SCN7A: variants seen among roughly 807,000 people sequenced by gnomAD.
The protein encoded by SCN7A is sodium voltage-gated channel alpha subunit 7, also known as sodium channel protein type 7 subunit alpha.
SCN7A carries 138 observed loss-of-function variants against 155.2 expected under a neutral mutation model. The observed-to-expected ratio is 0.89, with a 90% CI of 0.77 to 1.02. The LOEUF (loss-of-function observed/expected upper bound fraction) is 1.02. Among genes scored for constraint, SCN7A ranks in the 50% least tolerant of loss-of-function variants. The pLI is 0.00. For missense variants in SCN7A, 2,058 were observed against 1,986.6 expected (o/e 1.04, Z -0.68); for synonymous variants, 693 against 649.0 (o/e 1.07, Z -1.03).
intron 15 of SCN7A, among the ~76,000 whole-genome samples, chr2:166,437,358 C>A (rs1186316117): frequency 6.6e-6 from 1 of 152,218 alleles, no homozygotes; most frequent in East Asian, 1.9e-4. Flanking sequence ...ATTTGGGAAT[C>A]TCCACCAAGA....
Position 166,425,464 on chromosome 2 carries a change from T to C in SCN7A, c.2854-2032A>G, listed in dbSNP as rs1701603237. 2.0e-5 allele frequency among the ~76,000 whole-genome samples: 3 copies of C among 152,080 alleles called. No homozygotes were observed. In the South Asian group the frequency reaches 6.2e-4, roughly 32 times the overall value. ...TGACTGTAACAGATTACCACAAATT[T>C]AGAAGCTTAAAAACAACACAACTCT... On this transcript the variant is annotated intron_variant, in intron 18 of 25. Transcript: ENST00000643258.
chr2:166,490,316 GTCTT>G (rs570222534), intron 1 of SCN7A, among the ~76,000 whole-genome samples: 68 of 152,020 alleles, frequency 4.5e-4, no homozygotes, highest in African/African-American at 1.5e-3. Flanking sequence ...CCAAAAATTT[GTCTT>G]TCTTAGATTT....
chr2:166,416,119 C>T (rs1214381356), intron 21 of SCN7A, among the ~76,000 whole-genome samples: 1 of 152,032 alleles, frequency 6.6e-6, no homozygotes, highest in Non-Finnish European at 1.5e-5. Flanking sequence ...CCCACAGTAC[C>T]CTCAGGCTTA....
intron 18 of SCN7A, 108 bp from the exon 19 acceptor site, chr2:166,423,540 A>G: frequency 8.2e-7 from 1 of 1,221,768 alleles, no homozygotes; most frequent in Non-Finnish European, 1.1e-6. Context: ...TATGGTGAGC[A>G]CTGTCAGAGA....
chr2:166,493,840 T>C (rs1559134657), intron 1 of SCN7A, 128 bp downstream of exon 1: 1 of 152,334 alleles, frequency 6.6e-6, no homozygotes, highest in South Asian at 2.1e-4. Flanking sequence ...CAAATCTCTG[T>C]CCTCCTGCTG....
chr2:166,410,967 T>C (rs1460651657), intron 23 of SCN7A, among the ~76,000 whole-genome samples: 1 of 152,024 alleles, frequency 6.6e-6, no homozygotes, highest in Non-Finnish European at 1.5e-5. Context: ...GTCACTTAAA[T>C]TGACTGCAGA....
intron 1 of SCN7A, among the ~76,000 whole-genome samples, chr2:166,492,610 A>G (rs1683138111): frequency 6.6e-6 from 1 of 152,216 alleles, no homozygotes; most frequent in Non-Finnish European, 1.5e-5. Flanking sequence ...TCAGATTAGA[A>G]TATGCTTTAA....
In SCN7A at chr2:166,406,518, G is replaced by T; in HGVS notation, c.4111C>A (p.Leu1371Ile). The change falls in exon 26 of 26, where the codon CTT becomes ATT. Residue 1371 changes from leucine (L) to isoleucine (I), a missense_variant. Transcript: ENST00000643258. The stretch of plus-strand genomic sequence containing the variant: ...GCTGGGAGGGACAGCATCAAAGGAA[G>T]CATCAGATTATGAAACACCTTTGGT... ...KGPKVFHNLM[L>I]PLMLSLPALL... 6.2e-7 allele frequency: 1 copy of T among 1,612,856 alleles called. No individual in the cohort carries two copies. The highest frequency in any genetic ancestry group is 1.1e-5 in the South Asian group (1 of 91,068).
At chr2:166,437,061 C>G (rs1235604230) in intron 15 of SCN7A, among the ~76,000 whole-genome samples, 2 of 152,176 alleles carry the variant, frequency 1.3e-5, no homozygotes, top group African/African-American at 4.8e-5. Flanking sequence ...TATTAATCAC[C>G]AAGGCAATGG....
At chr2:166,414,849 GATATATA>G (rs1373766174) in intron 21 of SCN7A, 1 of 105,478 alleles carries the variant, frequency 9.5e-6, no homozygotes, top group Non-Finnish European at 1.9e-5. Flanking sequence ...TAATATATAG[GATATATA>G]ATATATAATA....
At chr2:166,411,788 T>C (rs932958660) in intron 23 of SCN7A, among the ~76,000 whole-genome samples, 1 of 152,006 alleles carries the variant, frequency 6.6e-6, no homozygotes, top group African/African-American at 2.4e-5. Context: ...CGCAGTCCCC[T>C]TGGATAAGGA....
intron 15 of SCN7A, chr2:166,440,538 T>C (rs188719398): frequency 1.3e-4 from 20 of 152,278 alleles, no homozygotes; most frequent in African/African-American, 3.4e-4. Context: ...TATGCGATTT[T>C]ACATTTCCAG....
chr2:166,427,199 G>A (rs1701642783), intron 18 of SCN7A, among the ~76,000 whole-genome samples: 1 of 152,030 alleles, frequency 6.6e-6, no homozygotes, highest in South Asian at 2.1e-4. Flanking sequence ...TATAAAGTCA[G>A]CTATTACAGA....
intron 2 of SCN7A, among the ~76,000 whole-genome samples, chr2:166,480,743 C>A (rs956057788): frequency 6.6e-6 from 1 of 152,120 alleles, no homozygotes; most frequent in Non-Finnish European, 1.5e-5. Flanking sequence ...AAGAGAATAT[C>A]GAAATTTTCT....
Position 166,406,388 on chromosome 2 carries a change from A to C in SCN7A, c.4241T>G (p.Val1414Gly). 1 of 1,613,108 alleles carries C rather than the reference A, an allele frequency of 6.2e-7. No individual in the cohort carries two copies. The highest frequency in any genetic ancestry group is 8.5e-7 in the Non-Finnish European group (1 of 1,179,384). Residue 1414 changes from valine (V) to glycine (G), a missense_variant, in exon 26 of 26, where the codon GTG becomes GGG. Val to Gly is a moderately radical substitution (Grantham distance 109). Coordinates refer to ENST00000643258, the MANE Select transcript of SCN7A (RefSeq NM_002976.4). The part of the protein sequence containing the change: ...YVKKEAGIND[V>G]SNFETFGNSM... The stretch of plus-strand genomic sequence containing the variant: ...GTTGCCAAAGGTTTCAAAATTAGAC[A>C]CATCATTAATTCCAGCTTCTTTTTT...
chr2:166,477,321 T>A, intron 3 of SCN7A, 142 bp downstream of exon 3: 1 of 645,622 alleles, frequency 1.5e-6, no homozygotes, highest in South Asian at 2.3e-5. Context: ...AAATGAGATA[T>A]CTTATGTCGT....
intron 15 of SCN7A, among the ~76,000 whole-genome samples, chr2:166,437,080 T>C (rs1406616352): frequency 2.0e-5 from 3 of 152,208 alleles, no homozygotes; most frequent in Non-Finnish European, 4.4e-5. Flanking sequence ...GGGGATAATG[T>C]CTCCAGGGCA....
intron 13 of SCN7A, among the ~76,000 whole-genome samples, 166 bp from the exon 14 acceptor site, chr2:166,443,842 C>T (rs1032560671): frequency 6.6e-6 from 1 of 152,160 alleles, no homozygotes; most frequent in African/African-American, 2.4e-5. Flanking sequence ...TAAGGACAGA[C>T]TCATACATTT....
chr2:166,477,190 A>C (rs1333040845), intron 3 of SCN7A, among the ~76,000 whole-genome samples: 1 of 151,958 alleles, frequency 6.6e-6, no homozygotes, highest in African/African-American at 2.4e-5. Flanking sequence ...GTTCCCTTAA[A>C]ATATTTCACT....
Sources: allele counts gnomAD v4.1 joint callset (sites outside exome capture counted in the v4.1 genomes callset), GRCh38; gene constraint gnomAD v4.1.1; transcripts MANE v1.5; gene names NCBI Gene and HGNC (gene_info 2026-07-23, HGNC 2026-07-21).